Variants in ANKRD62 observed in about 807,000 individuals in gnomAD.
The protein encoded by ANKRD62 is ankyrin repeat domain-containing protein 62.
In ANKRD62, 61 loss-of-function variants were observed where a neutral mutation model predicts 98.8. That is an observed-to-expected ratio of 0.62 (90% confidence interval 0.50 to 0.76). The LOEUF (loss-of-function observed/expected upper bound fraction) is 0.76. ANKRD62 is among the 30% of genes least tolerant of loss of function. The probability of loss-of-function intolerance (pLI) is 0.00; values close to 1 mark genes in which losing one functional copy is unlikely to be tolerated. For synonymous variants in ANKRD62, 341 were observed against 367.9 expected (o/e 0.93, Z 0.84); for missense variants, 933 against 1,082.9 (o/e 0.86, Z 1.94).
the ANKRD62 span, among the ~76,000 whole-genome samples, chr18:12,157,353 A>G: frequency 6.6e-6 from 1 of 152,042 alleles, no homozygotes; most frequent in South Asian, 2.1e-4. Context: ...ACTCAGAGTG[A>G]CCCCTTTGTG....
the ANKRD62 span, among the ~76,000 whole-genome samples, chr18:12,140,034 C>A: frequency 6.6e-6 from 1 of 152,118 alleles, no homozygotes; most frequent in Non-Finnish European, 1.5e-5. Context: ...TTCTTGGAGG[C>A]TTTGTTCGTT....
At chr18:12,111,994 C>T (rs1196391839) in intron 8 of ANKRD62, among the ~76,000 whole-genome samples, 1 of 151,150 alleles carries the variant, frequency 6.6e-6, no homozygotes, top group Non-Finnish European at 1.5e-5. Flanking sequence ...CCTGTAATCT[C>T]AGTTACTTGG....
chr18:12,098,667 T>A (rs1248131459), intron 5 of ANKRD62: 1 of 152,260 alleles, frequency 6.6e-6, no homozygotes. Flanking sequence ...AAGGTATCTA[T>A]GAAATGAGAA....
chr18:12,103,267 G>A, intron 7 of ANKRD62, 39 bp downstream of exon 7: 1 of 1,240,028 alleles, frequency 8.1e-7, no homozygotes, highest in Admixed American at 3.5e-5. Flanking sequence ...GGTTTTCTTT[G>A]GTAATGTAGC....
the ANKRD62 span, among the ~76,000 whole-genome samples, chr18:12,135,346 T>C: frequency 6.6e-6 from 1 of 151,296 alleles, no homozygotes; most frequent in South Asian, 2.1e-4. Context: ...TCCAGCTTCA[T>C]CCATGTCCCT....
chr18:12,107,782 C>T (rs79791946), intron 8 of ANKRD62, among the ~76,000 whole-genome samples: 2,889 of 152,166 alleles, frequency 0.019, 85 homozygotes, highest in African/African-American at 0.065. Context: ...TATATCATTT[C>T]GTTAACCTGA....
chr18:12,117,044 T>C (rs1441507959), intron 10 of ANKRD62, among the ~76,000 whole-genome samples: 2 of 152,220 alleles, frequency 1.3e-5, no homozygotes, highest in Non-Finnish European at 2.9e-5. Flanking sequence ...TTAGTCTGAT[T>C]GTTTATCACG....
the ANKRD62 span, among the ~76,000 whole-genome samples, chr18:12,170,200 T>C: frequency 2.6e-5 from 4 of 152,238 alleles, no homozygotes; most frequent in Non-Finnish European, 5.9e-5. Flanking sequence ...CTTGCTTCTC[T>C]AGTTCTTTTA....
the ANKRD62 span, among the ~76,000 whole-genome samples, chr18:12,141,472 G>T: frequency 6.6e-6 from 1 of 152,006 alleles, no homozygotes; most frequent in African/African-American, 2.4e-5. Context: ...CTTGTATTGT[G>T]TTACTCAACT....
At chr18:12,102,123 A>T in intron 6 of ANKRD62, 1 of 1,312,416 alleles carries the variant, frequency 7.6e-7, no homozygotes, top group Non-Finnish European at 1.1e-6. Flanking sequence ...AGGCATCCCC[A>T]TGAACATAGT....
chr18:12,151,385 T>C, the ANKRD62 span, among the ~76,000 whole-genome samples: 1 of 152,080 alleles, frequency 6.6e-6, no homozygotes, highest in South Asian at 2.1e-4. Flanking sequence ...GGGAGAAAAT[T>C]AACAAAGGTA....
At chr18:12,175,989 C>CA in the ANKRD62 span, among the ~76,000 whole-genome samples, 1 of 151,636 alleles carries the variant, frequency 6.6e-6, no homozygotes, top group Non-Finnish European at 1.5e-5. Context: ...GTCAGGAGTT[C>CA]AAGACTAGCC....
At chr18:12,125,405 T>C (rs1344939212) in intron 12 of ANKRD62, 55 bp from the exon 13 acceptor site, 2 of 1,365,176 alleles carry the variant, frequency 1.5e-6, no homozygotes, top group Non-Finnish European at 1.9e-6. Context: ...TCAGAAGAAA[T>C]CATAATATGT....
the ANKRD62 span, among the ~76,000 whole-genome samples, chr18:12,151,712 G>A: frequency 3.9e-5 from 6 of 151,998 alleles, no homozygotes; most frequent in East Asian, 1.9e-4. Context: ...AATAACCAAC[G>A]TCAGAGCTTA....
chr18:12,097,656 G>C lies in ANKRD62; in HGVS notation c.631G>C (p.Ala211Pro). The C allele has an allele frequency of 6.5e-7, 1 of 1,534,786 alleles. No homozygotes were observed. The highest frequency in any genetic ancestry group is 8.7e-7 in the Non-Finnish European group (1 of 1,146,280). ...TTATTTTAGAACAGCCCTGATACTT[G>C]CTGCTCGTAATGGATCAACAAGTGT... ...DNFGRTALIL[A>P]ARNGSTSVVY... Residue 211 changes from alanine to proline, a missense_variant, in exon 5 of 14, where the codon GCT becomes CCT. Physicochemically the swap from Ala to Pro is conservative, Grantham distance 27 (BLOSUM62 -1). Around this residue, in one of 3 missense-constraint regions of ANKRD62, gnomAD observed 549 missense variants for 587.9 expected, o/e 0.93. Transcript: ENST00000587848.
At chr18:12,137,307 A>T in the ANKRD62 span, among the ~76,000 whole-genome samples, 3 of 152,172 alleles carry the variant, frequency 2.0e-5, no homozygotes, top group Non-Finnish European at 4.4e-5. Context: ...TGAGATAATC[A>T]TGTGGTTTTT....
At chr18:12,102,103 G>A in intron 6 of ANKRD62, 3 of 1,365,562 alleles carry the variant, frequency 2.2e-6, no homozygotes, top group East Asian at 2.3e-5. Flanking sequence ...TGCCTTGGGA[G>A]CTTTCTGCAA....
At chr18:12,109,331 C>T (rs1055673549) in intron 8 of ANKRD62, among the ~76,000 whole-genome samples, 2 of 152,192 alleles carry the variant, frequency 1.3e-5, no homozygotes, top group African/African-American at 4.8e-5. Flanking sequence ...GCTGCCAAGG[C>T]ATGGGTTTTT....
intron 4 of ANKRD62, among the ~76,000 whole-genome samples, chr18:12,097,356 T>C (rs555497178): frequency 1.3e-5 from 2 of 152,340 alleles, no homozygotes; most frequent in South Asian, 4.1e-4. Context: ...TTTAGATAAG[T>C]GACCTGAGCA....
Sources: gnomAD v4.1 joint callset for allele counts (sites outside exome capture counted in the v4.1 genomes callset) on GRCh38, gnomAD v4.1.1 for gene constraint, gnomAD v4.1.1 regional missense constraint, MANE v1.5 for transcripts, NCBI Gene and HGNC (gene_info 2026-07-23, HGNC 2026-07-21) for gene names.